ZNF91: variants seen among roughly 807,000 people sequenced by gnomAD.
ZNF91 encodes the protein zinc finger protein 91 (HPF7, HTF10).
ZNF91 carries 7 observed loss-of-function variants against 12.6 expected under a neutral mutation model. That is an observed-to-expected ratio of 0.55 (90% CI 0.31 to 1.04). ZNF91 has a LOEUF of 1.04. ZNF91 is among the 50% of genes least tolerant of loss of function. The probability of loss-of-function intolerance (pLI) is 0.05; values close to 1 mark genes in which losing one functional copy is unlikely to be tolerated. For missense variants in ZNF91, 1,217 were observed against 1,385.4 expected, an observed-to-expected ratio of 0.88 and a Z score of 1.93; for synonymous variants, 453 against 462.6, an observed-to-expected ratio of 0.98 and a Z score of 0.27.
intron 1 of ZNF91, among the ~76,000 whole-genome samples, chr19:23,393,308 A>C (rs961071195): frequency 6.2e-4 from 95 of 152,328 alleles, no homozygotes; most frequent in African/African-American, 2.2e-3. Context: ...AATGCCTCTC[A>C]GCCTCAGGGC....
Position 23,359,243 on chromosome 19 carries a change from G to A in ZNF91, c.*160C>T, listed in dbSNP as rs564823066. The A allele has an allele frequency of 7.0e-5, 23 of 329,174 alleles. No individual in the cohort carries two copies. The highest frequency in any genetic ancestry group is 1.1e-4 in the Non-Finnish European group (20 of 176,732). The allele number at this position is 329,174 out of a possible 1,614,324, so 20.4% of individuals were successfully genotyped here. ...TGAATTTTCTTTTTTTTTTTTTTGAGACGGAGTCTCGCTCTGTCGCCCAGG... is the reference window on the plus strand; with the variant it reads ...TGAATTTTCTTTTTTTTTTTTTTGAAACGGAGTCTCGCTCTGTCGCCCAGG... On this transcript the variant is annotated 3_prime_UTR_variant, in exon 4 of 4. Coordinates refer to ENST00000300619, the MANE Select transcript of ZNF91 (RefSeq NM_003430.4).
chr19:23,328,624 T>G (rs775336429), intron 1 of ZNF91: 1 of 152,230 alleles, frequency 6.6e-6, no homozygotes, highest in Non-Finnish European at 1.5e-5. Context: ...GGACTATTTT[T>G]ACCCAAGTAG....
chr19:23,369,922 T>A (rs1055182384), intron 3 of ZNF91, among the ~76,000 whole-genome samples: 1 of 150,172 alleles, frequency 6.7e-6, no homozygotes, highest in Non-Finnish European at 1.5e-5. Flanking sequence ...TTCACTTGTT[T>A]ATCTGCTGAC....
At chr19:23,390,518 C>A (rs903418761) in intron 1 of ZNF91, among the ~76,000 whole-genome samples, 3 of 152,106 alleles carry the variant, frequency 2.0e-5, no homozygotes, top group African/African-American at 7.2e-5. Context: ...CCACCACGCC[C>A]GACTAATTTT....
At chr19:23,368,562 C>CTCTCTATATA (rs768532900) in intron 3 of ZNF91, among the ~76,000 whole-genome samples, 26 of 118,628 alleles carry the variant, frequency 2.2e-4, no homozygotes, top group African/African-American at 6.2e-4. Context: ...CTCTCTCTCT[C>CTCTCTATATA]TATATATATA....
At chr19:23,373,673 TA>T in intron 3 of ZNF91, 68 bp downstream of exon 3, 1 of 1,296,972 alleles carries the variant, frequency 7.7e-7, no homozygotes, top group Non-Finnish European at 1.1e-6. Flanking sequence ...CAGATCACTT[TA>T]AAGACCTGCT....
At chr19:23,332,131 G>A (rs1375674525) in intron 1 of ZNF91, among the ~76,000 whole-genome samples, 1 of 152,172 alleles carries the variant, frequency 6.6e-6, no homozygotes, top group Non-Finnish European at 1.5e-5. Flanking sequence ...ATATAAACCA[G>A]AAGTTAAATC....
upstream of ZNF91, among the ~76,000 whole-genome samples, chr19:23,311,441 C>G (rs1353915678): frequency 6.6e-6 from 1 of 152,204 alleles, no homozygotes; most frequent in African/African-American, 2.4e-5. Flanking sequence ...TGTGTCTCTC[C>G]TCTTCTGCCG....
intron 3 of ZNF91, among the ~76,000 whole-genome samples, chr19:23,341,566 G>C (rs1968124998): frequency 6.6e-6 from 1 of 151,934 alleles, no homozygotes; most frequent in African/African-American, 2.4e-5. Flanking sequence ...AAAAATGGTT[G>C]AAAGAGTGAA....
chr19:23,315,998 G>C (rs576699905), intron 1 of ZNF91, among the ~76,000 whole-genome samples: 7 of 152,166 alleles, frequency 4.6e-5, no homozygotes, highest in Non-Finnish European at 8.8e-5. Context: ...ATAAATGGCT[G>C]GACTCAACAA....
intron 1 of ZNF91, among the ~76,000 whole-genome samples, chr19:23,331,615 A>C (rs1599694619): frequency 1.3e-5 from 2 of 152,040 alleles, no homozygotes; most frequent in East Asian, 3.9e-4. Flanking sequence ...TTTCTCATGG[A>C]TTTGGCTTTT....
Position 23,374,772 on chromosome 19 carries a change from A to C in ZNF91, c.31-8T>G. On this transcript the variant is annotated splice_region_variant and splice_polypyrimidine_tract_variant and intron_variant, in intron 1 of 3. Transcript: ENST00000300619. ...CCTAAATGTCAACAGTCCCTGAAAA[A>C]CACACACAAACACACATATTTACAA... The C allele has an allele frequency of 6.2e-7, 1 of 1,606,880 alleles. No homozygotes were observed. The highest frequency in any genetic ancestry group is 8.5e-7 in the Non-Finnish European group (1 of 1,176,246).
chr19:23,317,038 T>C (rs1262627950), intron 1 of ZNF91, among the ~76,000 whole-genome samples: 2 of 151,998 alleles, frequency 1.3e-5, no homozygotes, highest in Non-Finnish European at 1.5e-5. Context: ...TGGTGACTCA[T>C]TTCTTTTCTT....
chr19:23,383,878 A>C (rs1207119089), intron 1 of ZNF91, among the ~76,000 whole-genome samples: 3 of 152,064 alleles, frequency 2.0e-5, no homozygotes, highest in Non-Finnish European at 4.4e-5. Flanking sequence ...CTGGGAGGCC[A>C]AGGCGGGTGG....
intron 1 of ZNF91, among the ~76,000 whole-genome samples, chr19:23,323,119 CTCCT>C (rs1416481993): frequency 2.8e-5 from 4 of 144,200 alleles, no homozygotes; most frequent in African/African-American, 1.0e-4. Flanking sequence ...TTTTCCTCTC[CTCCT>C]TTTCAGTTCT....
At chr19:23,366,441 A>G (rs1479408684) in intron 3 of ZNF91, among the ~76,000 whole-genome samples, 1 of 152,268 alleles carries the variant, frequency 6.6e-6, no homozygotes, top group Non-Finnish European at 1.5e-5. Context: ...AATGAATAAG[A>G]AAACAGAAAA....
rs1967865525 is a variant in ZNF91 at position 23,327,883 on chromosome 19, T to A, written n.117-18786A>T. Reference sequence around the variant, plus strand: ...AACTTAAAGGAGTCTTAACTTGTGTTTCTCTGAATTTGATTTGTGTTTAAA... The same window carrying A: ...AACTTAAAGGAGTCTTAACTTGTGTATCTCTGAATTTGATTTGTGTTTAAA... On this transcript the variant is annotated intron_variant and non_coding_transcript_variant, in intron 1 of 1. Transcript: ENST00000596528. The A allele has an allele frequency of 3.3e-5, 5 of 152,342 alleles. 1 individual carries two copies. The South Asian group carries it at 1.0e-3, about 32-fold the overall frequency. The allele number at this position is 152,342 out of a possible 1,614,324, so 9.4% of individuals were successfully genotyped here.
In ZNF91 at chr19:23,361,395, T is replaced by A. The variant is rs1400360875; in HGVS notation, c.1584A>T (p.Arg528Ser). The A allele has an allele frequency of 1.3e-6, 2 of 1,599,586 alleles. No homozygotes were observed. The highest frequency in any genetic ancestry group is 3.4e-5 in the Admixed American group (2 of 58,632). The change falls in exon 4 of 4, where the codon AGA (arginine) becomes AGT (serine). Residue 528 changes from arginine (R) to serine (S), a missense_variant. This residue lies in a region of ZNF91 where 726 missense variants were observed against 895.5 expected (regional missense o/e 0.81). Coordinates refer to ENST00000300619, the MANE Select transcript of ZNF91 (RefSeq NM_003430.4). ...YKFEECGKAF[R>S]QSLTLNKHKI... The stretch of plus-strand genomic sequence containing the variant: ...TATGTTTATTAAGGGTTAAGGATTG[T>A]CTAAAAGCTTTGCCACATTCTTCAA...
At chr19:23,374,601 G>C (rs1969432299) in intron 2 of ZNF91, 37 bp downstream of exon 2, 1 of 1,340,622 alleles carries the variant, frequency 7.5e-7, no homozygotes, top group South Asian at 1.2e-5. Context: ...AAAACCATTA[G>C]TTTATATTAG....
Sources: gnomAD v4.1 joint callset for allele counts (sites outside exome capture counted in the v4.1 genomes callset) on GRCh38, gnomAD v4.1.1 for gene constraint, gnomAD v4.1.1 regional missense constraint, MANE v1.5 for transcripts, NCBI Gene and HGNC (gene_info 2026-07-23, HGNC 2026-07-21) for gene names.